The following LPIN1 variants were observed in gnomAD, a reference collection of about 807,000 sequenced individuals.
LPIN1 encodes lipin 1, also known as phosphatidate phosphatase LPIN1.
LPIN1 carries 71 observed loss-of-function variants against 107.5 expected under a neutral mutation model. That is an observed-to-expected ratio of 0.66 (90% CI 0.55 to 0.80). The LOEUF (loss-of-function observed/expected upper bound fraction) is 0.80. LPIN1 is among the 30% of genes least tolerant of loss of function. LPIN1 has a pLI of 0.00. For missense variants in LPIN1, 1,043 were observed against 1,160.6 expected, an observed-to-expected ratio of 0.90 and a Z score of 1.47; for synonymous variants, 445 against 452.6, an observed-to-expected ratio of 0.98 and a Z score of 0.21.
At chr2:11,817,363 T>C (rs2148727024) in intron 18 of LPIN1, 1 of 152,350 alleles carries the variant, frequency 6.6e-6, no homozygotes, top group East Asian at 1.9e-4. Flanking sequence ...CGAATGTCTT[T>C]TCCCAGTTCA....
intron 14 of LPIN1, among the ~76,000 whole-genome samples, chr2:11,799,409 C>T (rs1016282443): frequency 1.4e-5 from 2 of 141,538 alleles, no homozygotes; most frequent in African/African-American, 5.7e-5. Flanking sequence ...TAAACATTTT[C>T]CCATTCAATG....
Position 11,782,446 on chromosome 2 carries a change from A to G in LPIN1, c.1203A>G (p.Lys401=). The G allele has an allele frequency of 1.2e-6, 2 of 1,613,992 alleles. No homozygotes were observed. Among genetic ancestry groups the G allele is most frequent in the Non-Finnish European group, 1.7e-6 (2 of 1,179,984 alleles). Residue 401 remains lysine (K), a synonymous_variant, in exon 8 of 21, where the codon AAA becomes AAG. Transcript: ENST00000674199. Reference sequence around the variant, plus strand: ...TCTTGCCCATGATCGAGGAGCTCAAACCCCCCTCTGCCAGTGTAGTCCAGA... The same window carrying G: ...TCTTGCCCATGATCGAGGAGCTCAAGCCCCCCTCTGCCAGTGTAGTCCAGA... ...APLLPMIEEL[K]PPSASVVQTA... is the part of the protein sequence containing the mutation.
chr2:11,724,750 G>C, intron 1 of LPIN1: 1 of 535,278 alleles, frequency 1.9e-6, no homozygotes, highest in Non-Finnish European at 2.4e-6. Context: ...CTTGCTGAAG[G>C]GGGCAGTGAC....
chr2:11,813,337 A>G (rs1680012180), intron 17 of LPIN1, among the ~76,000 whole-genome samples: 1 of 152,194 alleles, frequency 6.6e-6, no homozygotes, highest in Non-Finnish European at 1.5e-5. Flanking sequence ...TAGACATGTA[A>G]TCAATATGAA....
At chr2:11,742,675 C>T (rs150771799), upstream of LPIN1, among the ~76,000 whole-genome samples, 39 of 152,350 alleles carry the variant, frequency 2.6e-4, no homozygotes, top group Middle Eastern at 3.4e-3. Flanking sequence ...GTCCGCTCCT[C>T]GCACCTTGGT....
chr2:11,677,648 A>G (rs1435491450), exon 1 of LPIN1: 3 of 1,535,166 alleles, frequency 2.0e-6, no homozygotes, highest in Non-Finnish European at 2.6e-6. Context: ...AGGGCGGGCC[A>G]TGGGGGAACA....
rs112155000 is a variant in LPIN1 at position 11,784,704 on chromosome 2, C to T, written c.1359-182C>T. The T allele has an allele frequency of 3.2e-5, 22 of 684,438 alleles. 3 individuals are homozygous for T. The highest frequency in any genetic ancestry group is 2.5e-4 in the African/African-American group (14 of 56,666). The allele number at this position is 684,438 out of a possible 1,614,324, so 42.4% of individuals were successfully genotyped here. A position where few individuals can be genotyped will look rare whatever the true frequency, so the allele number is the denominator to read the frequency against. ...GCCAGCTGAGAAGTAATGGTTTTCTCTCCTAAGCTAAGGCGTTTAATGTCT... is the reference window on the plus strand; with the variant it reads ...GCCAGCTGAGAAGTAATGGTTTTCTTTCCTAAGCTAAGGCGTTTAATGTCT... On this transcript the variant is annotated intron_variant, in intron 9 of 20. Coordinates refer to ENST00000674199, the MANE Select transcript of LPIN1 (RefSeq NM_001349206.2).
chr2:11,700,616 C>G (rs1296801727), intron 1 of LPIN1, among the ~76,000 whole-genome samples: 1 of 152,162 alleles, frequency 6.6e-6, no homozygotes, highest in Non-Finnish European at 1.5e-5. Context: ...AGGGTGAGGG[C>G]CTTGGGGCTG....
chr2:11,800,247 G>A (rs574690476), intron 14 of LPIN1, among the ~76,000 whole-genome samples: 3 of 152,170 alleles, frequency 2.0e-5, no homozygotes, highest in Non-Finnish European at 4.4e-5. Context: ...CTTTCCTGGG[G>A]CCCAGGGAGC....
chr2:11,696,677 C>T (rs552111141), intron 1 of LPIN1, among the ~76,000 whole-genome samples: 4 of 152,256 alleles, frequency 2.6e-5, no homozygotes, highest in African/African-American at 9.6e-5. Flanking sequence ...TGCTGAGGAG[C>T]GAGGTGACTG....
At chr2:11,767,702 A>C in intron 2 of LPIN1, 61 bp from the exon 3 acceptor site, 7 of 1,064,578 alleles carry the variant, frequency 6.6e-6, no homozygotes, top group Non-Finnish European at 1.0e-5. Flanking sequence ...GGCCGTCCCC[A>C]TGAGGTCTCC....
chr2:11,793,287 T>C (rs1676103068), intron 13 of LPIN1, among the ~76,000 whole-genome samples: 1 of 152,216 alleles, frequency 6.6e-6, no homozygotes, highest in Non-Finnish European at 1.5e-5. Flanking sequence ...GACGTGTCCA[T>C]GTCTCTCCAG....
At chr2:11,789,512 G>A (rs539656508) in intron 12 of LPIN1, among the ~76,000 whole-genome samples, 4 of 151,690 alleles carry the variant, frequency 2.6e-5, no homozygotes, top group African/African-American at 9.7e-5. Context: ...GCGTGTGCAT[G>A]TATGTGTGGA....
At chr2:11,712,171 C>T (rs766607411) in intron 1 of LPIN1, among the ~76,000 whole-genome samples, 1 of 152,220 alleles carries the variant, frequency 6.6e-6, no homozygotes, top group Non-Finnish European at 1.5e-5. Flanking sequence ...TGCATGTGCT[C>T]AACTACTCTG....
intron 14 of LPIN1, 129 bp from the exon 15 acceptor site, chr2:11,802,778 A>G (rs1677982423): frequency 9.3e-7 from 1 of 1,080,294 alleles, no homozygotes; most frequent in African/African-American, 1.5e-5. Flanking sequence ...GTCTTATGGT[A>G]AATGACCACC....
intron 1 of LPIN1, among the ~76,000 whole-genome samples, chr2:11,735,232 C>T (rs1193524395): frequency 6.7e-6 from 1 of 150,134 alleles, no homozygotes; most frequent in Non-Finnish European, 1.5e-5. Flanking sequence ...GCAGAGGTTG[C>T]AGTGAGTCGA....
chr2:11,688,251 T>C (rs546394576), intron 1 of LPIN1, among the ~76,000 whole-genome samples: 155 of 152,188 alleles, frequency 1.0e-3, no homozygotes, highest in Non-Finnish European at 2.0e-3. Flanking sequence ...CCTTTCTTTT[T>C]CCTACATCAA....
At position 11,765,205 on chromosome 2, in the gene LPIN1, A is replaced by T. The variant is rs1272327629; in HGVS notation, c.-9-328A>T. Among the ~76,000 whole-genome samples the T allele has an allele frequency of 6.6e-6, 1 of 151,560 alleles. No individual in the cohort carries two copies. The highest frequency in any genetic ancestry group is 6.6e-5 in the Admixed American group (1 of 15,242). ...CCCTGATGGGCTGTGATGGTCCGTG[A>T]TGGGCCATGATGGACACTGATGGGC... On this transcript the variant is annotated intron_variant, in intron 1 of 20. Transcript: ENST00000674199. The surrounding 1 kb of genome is among the most constrained non-coding windows in gnomAD (Gnocchi z 4.4).
chr2:11,690,507 A>G (rs1033873741), intron 1 of LPIN1, among the ~76,000 whole-genome samples: 5 of 152,128 alleles, frequency 3.3e-5, no homozygotes, highest in Non-Finnish European at 2.9e-5. Context: ...TCGTTCATCA[A>G]TTTTGGAAGA....
Sources: allele counts gnomAD v4.1 joint callset (sites outside exome capture counted in the v4.1 genomes callset), GRCh38; gene constraint gnomAD v4.1.1; non-coding constraint Gnocchi (gnomAD v3.1); transcripts MANE v1.5; gene names NCBI Gene and HGNC (gene_info 2026-07-23, HGNC 2026-07-21).